Variants in SHBG observed in about 807,000 individuals in gnomAD.
SHBG encodes sex hormone-binding globulin.
In SHBG, 37 loss-of-function variants were observed where a neutral mutation model predicts 41.9. The ratio of observed to expected loss-of-function variants is 0.88; its 90% CI spans 0.68 to 1.16. The LOEUF is 1.16. SHBG is among the 50% of genes most tolerant of loss of function. The pLI is 0.00. For synonymous variants in SHBG, 217 were observed against 205.8 expected (o/e 1.05, Z -0.47); for missense variants, 466 against 499.9 (o/e 0.93, Z 0.65).
upstream of SHBG, chr17:7,626,781 C>T (rs934339837): frequency 6.8e-6 from 11 of 1,614,110 alleles, no homozygotes; most frequent in Non-Finnish European, 9.3e-6. Context: ...TATTTTGGAA[C>T]CAATCCCTTG....
chr17:7,628,264 T>C (rs2072288924), upstream of SHBG: 1 of 227,888 alleles, frequency 4.4e-6, no homozygotes, highest in Admixed American at 5.3e-5. Flanking sequence ...TTTATATTTA[T>C]TTATTTATTT....
intron 1 of SHBG, chr17:7,614,424 G>A: frequency 6.7e-7 from 1 of 1,490,594 alleles, no homozygotes; most frequent in Non-Finnish European, 9.0e-7. Flanking sequence ...GCTAAGGACC[G>A]GCGTCCCCAG....
upstream of SHBG, chr17:7,626,647 G>C (rs1274690412): frequency 5.0e-6 from 8 of 1,610,396 alleles, no homozygotes; most frequent in East Asian, 1.8e-4. Flanking sequence ...CTTTTCTGGG[G>C]TCAAAAAAGA....
rs760363975 is a variant in SHBG, at chr17:7,630,258, C to A, written c.86C>A (p.Ala29Asp). ...LLLRHTRQGW[A>D]LRPVLPTQSA... Reference sequence around the variant, plus strand: ...CTGCGTCACACCCGCCAGGGATGGGCCCTGAGACCTGTTCTCCCCACCCAG... The same window carrying A: ...CTGCGTCACACCCGCCAGGGATGGGACCTGAGACCTGTTCTCCCCACCCAG... The change falls in exon 1 of 8, where the codon GCC becomes GAC. Residue 29 changes from alanine to aspartate, a missense_variant. By Grantham distance (126) the Ala-to-Asp change is moderately radical. Transcript: ENST00000380450. The surrounding 1 kb of genome is among the most constrained non-coding windows in gnomAD (Gnocchi z 4.6). 19 of 1,608,726 alleles carry A rather than the reference C, an allele frequency of 1.2e-5. No individual in the cohort carries two copies. In the East Asian group the frequency reaches 4.0e-4, roughly 34 times the overall value.
Position 7,630,294 on chromosome 17 carries a change from G to C in SHBG, c.111+11G>C, listed in dbSNP as rs755048784. The C allele has an allele frequency of 3.1e-6, 5 of 1,605,762 alleles. No individual in the cohort carries two copies. The highest frequency in any genetic ancestry group is 3.4e-6 in the Non-Finnish European group (4 of 1,174,324). On this transcript the variant is annotated intron_variant, in intron 1 of 7. Transcript: ENST00000380450. The surrounding 1 kb of genome is among the most constrained non-coding windows in gnomAD (Gnocchi z 4.6). ...GTTCTCCCCACCCAGGTGCAGGAGCGGGACAGGGCACTCAGCTCATGCAGT... is the reference window on the plus strand; with the variant it reads ...GTTCTCCCCACCCAGGTGCAGGAGCCGGACAGGGCACTCAGCTCATGCAGT...
chr17:7,626,019 T>C (rs557232089), upstream of SHBG, among the ~76,000 whole-genome samples: 12 of 148,818 alleles, frequency 8.1e-5, no homozygotes, highest in South Asian at 2.6e-3. Context: ...CTGGCCAGTA[T>C]GGTGAAACAC....
At chr17:7,632,093 A>C in intron 6 of SHBG, 78 bp downstream of exon 6, 9 of 1,452,968 alleles carry the variant, frequency 6.2e-6, no homozygotes, top group Non-Finnish European at 7.7e-6. Context: ...CCAACATGTC[A>C]ATATTAGGAA....
At chr17:7,615,276 A>C (rs2071951602) in intron 1 of SHBG, among the ~76,000 whole-genome samples, 1 of 151,960 alleles carries the variant, frequency 6.6e-6, no homozygotes. Context: ...AGGGATGGGC[A>C]TGCGCCTGAA....
At chr17:7,632,190 T>C in intron 6 of SHBG, 175 bp downstream of exon 6, 1 of 717,054 alleles carries the variant, frequency 1.4e-6, no homozygotes, top group Non-Finnish European at 2.4e-6. Context: ...TGCTTGCCTG[T>C]AATCCCAGGT....
At position 7,620,080 on chromosome 17, in the gene SHBG, G is replaced by T. The variant is rs139143227; in HGVS notation, c.-62+5969G>T. On this transcript the variant is annotated intron_variant, in intron 1 of 5. Transcript: ENST00000570547. ...TACTCCAGTCTAGGCAACAGAAAAA[G>T]ACCCTGTCTCTAAAAAAGTAAAGAC... Among the ~76,000 whole-genome samples the T allele has an allele frequency of 3.6e-5, 5 of 139,366 alleles. No homozygotes were observed. In the East Asian group the frequency reaches 8.5e-4, roughly 24 times the overall value. The allele number at this position is 139,366 out of a possible 152,430, so 91.4% of individuals were successfully genotyped here.
upstream of SHBG, chr17:7,629,975 C>T: frequency 3.1e-6 from 2 of 649,394 alleles, no homozygotes; most frequent in Non-Finnish European, 2.8e-6. Flanking sequence ...CTGTCCTTCA[C>T]CCCATTGATC....
chr17:7,617,206 T>G (rs1303852054), intron 1 of SHBG, among the ~76,000 whole-genome samples: 1 of 152,132 alleles, frequency 6.6e-6, no homozygotes, highest in Non-Finnish European at 1.5e-5. Context: ...TAAATTTTTG[T>G]ATTTAATGGT....
chr17:7,614,339 A>G, intron 1 of SHBG: 1 of 802,418 alleles, frequency 1.2e-6, no homozygotes, highest in Non-Finnish European at 2.0e-6. Flanking sequence ...CAAGGGTCCA[A>G]GATTCTAAGG....
At chr17:7,620,778 G>A (rs1475589335) in intron 1 of SHBG, among the ~76,000 whole-genome samples, 1 of 151,642 alleles carries the variant, frequency 6.6e-6, no homozygotes, top group Non-Finnish European at 1.5e-5. Context: ...TTACAGACAT[G>A]TGCCACCACA....
chr17:7,626,917 C>T (rs972093891), upstream of SHBG: 69 of 1,610,460 alleles, frequency 4.3e-5, no homozygotes, highest in Non-Finnish European at 5.8e-5. Flanking sequence ...TTTGCTCCCA[C>T]CCCAGCCTCA....
rs1265329564 is a variant in SHBG at position 7,619,943 on chromosome 17, AG to A, written c.-62+5834del. On this transcript the variant is annotated intron_variant, in intron 1 of 5. Transcript: ENST00000570547. ...ACTTCAGCCTCAACCTTAAGAAGTA[AG>A]GCCAAGAGCAGTGGCACATGCCTGT... Among the ~76,000 whole-genome samples the A allele has an allele frequency of 5.3e-5, 8 of 151,980 alleles. No homozygotes were observed. The South Asian group carries it at 1.5e-3, about 28-fold the overall frequency.
At chr17:7,614,927 C>G (rs1477524960) in intron 1 of SHBG, 1 of 152,972 alleles carries the variant, frequency 6.5e-6, no homozygotes, top group Non-Finnish European at 1.5e-5. Flanking sequence ...GCCCGCTGCG[C>G]GCGGGGCCCC....
intron 1 of SHBG, among the ~76,000 whole-genome samples, chr17:7,615,083 A>C (rs2071944816): frequency 6.6e-6 from 1 of 151,708 alleles, no homozygotes; most frequent in Non-Finnish European, 1.5e-5. Flanking sequence ...TTCTTTCTTC[A>C]CCGCTCCACC....
At chr17:7,626,554 C>T, upstream of SHBG, 1 of 1,614,194 alleles carries the variant, frequency 6.2e-7, no homozygotes, top group Non-Finnish European at 8.5e-7. Context: ...AAGTCCATGG[C>T]CCTCTGGTTC....
Sources: allele counts gnomAD v4.1 joint callset (sites outside exome capture counted in the v4.1 genomes callset), GRCh38; gene constraint gnomAD v4.1.1; non-coding constraint Gnocchi (gnomAD v3.1); transcripts MANE v1.5; gene names NCBI Gene and HGNC (gene_info 2026-07-23, HGNC 2026-07-21).